Variants in MAD1L1 observed in about 807,000 individuals in gnomAD.
MAD1L1 encodes the protein mitotic spindle assembly checkpoint protein MAD1.
A neutral mutation model predicts 96.9 loss-of-function variants in MAD1L1; 95 were observed. The observed-to-expected ratio is 0.98, with a 90% CI of 0.83 to 1.16. MAD1L1 has a LOEUF of 1.16. Among genes scored for constraint, MAD1L1 ranks in the 50% most tolerant of loss-of-function variants. The pLI, the probability that MAD1L1 is intolerant of heterozygous loss-of-function variation, is 0.00. For missense variants in MAD1L1, 1,007 were observed against 954.4 expected (o/e 1.06, Z -0.73); for synonymous variants, 473 against 396.6 (o/e 1.19, Z -2.29).
chr7:1,913,126 G>C (rs375252625), intron 17 of MAD1L1, among the ~76,000 whole-genome samples: 2 of 152,204 alleles, frequency 1.3e-5, no homozygotes, highest in African/African-American at 4.8e-5. Flanking sequence ...CCCTTTTGGA[G>C]ATGTGGCAGT....
chr7:2,149,056 G>A (rs1454620630), intron 11 of MAD1L1, 96 bp downstream of exon 11: 13 of 1,061,202 alleles, frequency 1.2e-5, no homozygotes, highest in Non-Finnish European at 1.7e-5. Context: ...ATGAAGGACA[G>A]CCATCCCCCA....
intron 18 of MAD1L1, among the ~76,000 whole-genome samples, chr7:1,840,032 G>A (rs1450402540): frequency 2.6e-5 from 4 of 152,252 alleles, no homozygotes; most frequent in Non-Finnish European, 5.9e-5. Context: ...GGCCCAGCAC[G>A]GCGGGCATTC....
intron 18 of MAD1L1, chr7:1,848,629 G>A (rs1783772657): frequency 1.3e-5 from 2 of 154,298 alleles, no homozygotes; most frequent in Admixed American, 6.5e-5. Flanking sequence ...GAGCACCAGC[G>A]ATTTGCGCTC....
At chr7:1,891,898 G>A (rs1786562975) in intron 18 of MAD1L1, among the ~76,000 whole-genome samples, 1 of 152,142 alleles carries the variant, frequency 6.6e-6, no homozygotes, top group African/African-American at 2.4e-5. Flanking sequence ...TATTATTGAA[G>A]AAAAGAACAG....
intron 12 of MAD1L1, among the ~76,000 whole-genome samples, chr7:2,026,778 G>T (rs555882782): frequency 1.3e-5 from 2 of 152,056 alleles, no homozygotes; most frequent in Non-Finnish European, 2.9e-5. Flanking sequence ...AAAACGTACG[G>T]TATGCAACTA....
chr7:1,876,588 C>A (rs902156889), intron 18 of MAD1L1, among the ~76,000 whole-genome samples: 2 of 152,058 alleles, frequency 1.3e-5, no homozygotes, highest in African/African-American at 4.8e-5. Context: ...GATGGGCTCA[C>A]AGGGACTTCT....
At chr7:1,893,192 C>G (rs1458261810) in intron 18 of MAD1L1, among the ~76,000 whole-genome samples, 1 of 152,202 alleles carries the variant, frequency 6.6e-6, no homozygotes, top group Admixed American at 6.5e-5. Flanking sequence ...TGCCTTTCCC[C>G]CAAACGGCAG....
At chr7:2,106,003 G>A (rs1001089292) in intron 11 of MAD1L1, among the ~76,000 whole-genome samples, 11 of 27,298 alleles carry the variant, frequency 4.0e-4, no homozygotes, top group East Asian at 2.2e-3. Context: ...ATATGGCCCC[G>A]CCCCTGCCCC....
chr7:1,900,335 C>T (rs1474606956), intron 17 of MAD1L1, among the ~76,000 whole-genome samples: 1 of 152,212 alleles, frequency 6.6e-6, no homozygotes, highest in African/African-American at 2.4e-5. Flanking sequence ...GATATGGGGC[C>T]TGTACAACCG....
rs1785436261 is a variant in MAD1L1 at position 1,877,345 on chromosome 7, C to T, written c.1998+20855G>A. 2.6e-5 allele frequency among the ~76,000 whole-genome samples: 4 copies of T among 151,926 alleles called. No homozygotes were observed. The South Asian group carries it at 6.3e-4, about 24-fold the overall frequency. On this transcript the variant is annotated intron_variant, in intron 18 of 18. Coordinates refer to ENST00000265854, the MANE Select transcript of MAD1L1 (RefSeq NM_001013836.2). Reference sequence around the variant, plus strand: ...TCCCAAAGCCTAAAATATTTGATACCTGTTTCTTTACAGGAAAGGTTTACT... The same window carrying T: ...TCCCAAAGCCTAAAATATTTGATACTTGTTTCTTTACAGGAAAGGTTTACT...
chr7:1,825,093 C>A (rs1782323370), intron 18 of MAD1L1, among the ~76,000 whole-genome samples: 1 of 152,186 alleles, frequency 6.6e-6, no homozygotes, highest in African/African-American at 2.4e-5. Flanking sequence ...TTTTTATATG[C>A]TGCATATTTG....
rs1268960764 is a variant in MAD1L1, at chr7:1,848,124, C to T, written c.1999-31896G>A. On this transcript the variant is annotated intron_variant, in intron 18 of 18. Coordinates refer to ENST00000265854, the MANE Select transcript of MAD1L1 (RefSeq NM_001013836.2). ...CTGGGGGCACACAGACCTAGTGTCG[C>T]TCTCAGGGCTGGGTCCGCAGGCCAC... is the stretch of plus-strand genomic sequence containing the variant. The T allele has an allele frequency of 3.4e-5, 8 of 235,970 alleles. No homozygotes were observed. The East Asian group carries it at 8.9e-4, about 26-fold the overall frequency. 14.6% of individuals were successfully genotyped at this position (235,970 alleles called of 1,614,324 possible).
At chr7:1,931,542 C>T (rs991841374) in intron 17 of MAD1L1, among the ~76,000 whole-genome samples, 2 of 152,214 alleles carry the variant, frequency 1.3e-5, no homozygotes, top group African/African-American at 4.8e-5. Flanking sequence ...TCGGTATTAA[C>T]TGCATTTCTC....
intron 12 of MAD1L1, among the ~76,000 whole-genome samples, chr7:2,038,734 G>A (rs540618019): frequency 1.6e-5 from 2 of 127,878 alleles, no homozygotes; most frequent in African/African-American, 3.5e-5. Flanking sequence ...GGATGGTCTC[G>A]AACTCCTGCT....
intron 18 of MAD1L1, among the ~76,000 whole-genome samples, chr7:1,896,871 C>T (rs984034571): frequency 1.3e-5 from 2 of 152,218 alleles, no homozygotes; most frequent in Non-Finnish European, 2.9e-5. Flanking sequence ...TTTATTAATA[C>T]CTAATCATTT....
At chr7:1,928,647 C>T (rs1382913559) in intron 17 of MAD1L1, among the ~76,000 whole-genome samples, 2 of 152,250 alleles carry the variant, frequency 1.3e-5, no homozygotes, top group Non-Finnish European at 2.9e-5. Context: ...AGCCCCTGCA[C>T]CCCCATCCCA....
chr7:1,883,576 G>A (rs534450318), intron 18 of MAD1L1, among the ~76,000 whole-genome samples: 26 of 152,288 alleles, frequency 1.7e-4, no homozygotes, highest in African/African-American at 6.0e-4. Flanking sequence ...CCAGGGGACG[G>A]ACAACTCCCT....
intron 18 of MAD1L1, among the ~76,000 whole-genome samples, chr7:1,870,763 G>A (rs112893806): frequency 1.0e-4 from 13 of 129,836 alleles, no homozygotes; most frequent in South Asian, 2.7e-4. Flanking sequence ...TGCCTGCCAC[G>A]CTGAACCGAC....
chr7:2,037,618 A>T, intron 12 of MAD1L1, among the ~76,000 whole-genome samples: 1 of 152,174 alleles, frequency 6.6e-6, no homozygotes, highest in Middle Eastern at 3.2e-3. Flanking sequence ...CCGACATTGC[A>T]TCACTGTTAT....
Sources: gnomAD v4.1 joint callset for allele counts (sites outside exome capture counted in the v4.1 genomes callset) on GRCh38, gnomAD v4.1.1 for gene constraint, MANE v1.5 for transcripts, NCBI Gene and HGNC (gene_info 2026-07-23, HGNC 2026-07-21) for gene names.